Variants in ADGRL3 observed in about 807,000 individuals in gnomAD.
The protein encoded by ADGRL3 is calcium-independent alpha-latrotoxin receptor 3.
In ADGRL3, 62 loss-of-function variants were observed where a neutral mutation model predicts 153.5. The ratio of observed to expected loss-of-function variants is 0.40; its 90% CI spans 0.33 to 0.50. The LOEUF is 0.50. Among genes scored for constraint, ADGRL3 ranks in the 20% least tolerant of loss-of-function variants. The probability of loss-of-function intolerance (pLI) is 0.47; values close to 1 mark genes in which losing one functional copy is unlikely to be tolerated. For synonymous variants in ADGRL3, 710 were observed against 672.5 expected (o/e 1.06, Z -0.86); for missense variants, 1,641 against 1,859.4 (o/e 0.88, Z 2.16).
intron 9 of ADGRL3, among the ~76,000 whole-genome samples, chr4:61,815,596 T>C (rs1254833229): frequency 2.6e-5 from 4 of 152,222 alleles, no homozygotes; most frequent in Non-Finnish European, 5.9e-5. Context: ...TCTATATTGA[T>C]TAACTGCTTG....
intron 8 of ADGRL3, among the ~76,000 whole-genome samples, chr4:61,784,928 T>C (rs1037352498): frequency 2.0e-5 from 3 of 152,180 alleles, no homozygotes; most frequent in Non-Finnish European, 4.4e-5. Context: ...CTCAGTACCC[T>C]TATCAGTAAA....
chr4:61,308,227 T>G (rs1245443599), intron 1 of ADGRL3, among the ~76,000 whole-genome samples: 1 of 152,142 alleles, frequency 6.6e-6, no homozygotes, highest in Non-Finnish European at 1.5e-5. Context: ...GAAATCTAGT[T>G]TCTTAGCAAT....
chr4:61,341,779 C>T (rs2095812547), intron 1 of ADGRL3, among the ~76,000 whole-genome samples: 7 of 152,030 alleles, frequency 4.6e-5, no homozygotes, highest in Admixed American at 4.6e-4. Flanking sequence ...ACATTGCTTT[C>T]AGCTTTTTCA....
intron 1 of ADGRL3, among the ~76,000 whole-genome samples, chr4:61,205,373 G>T (rs1365092634): frequency 6.6e-6 from 1 of 152,176 alleles, no homozygotes; most frequent in South Asian, 2.1e-4. Context: ...AAGAAATGCT[G>T]TGCAGCCTTA....
Position 61,874,998 on chromosome 4 carries a change from C to T in ADGRL3, c.1481-17658C>T, listed in dbSNP as rs181712394. On this transcript the variant is annotated intron_variant, in intron 9 of 26. Coordinates refer to ENST00000683033, the MANE Select transcript of ADGRL3 (RefSeq NM_001387552.1). ...TAATTTTTTGTATTTTTAGTAGAGA[C>T]GGGGTTTCACCTTGTTAGTCAGGAT... is the stretch of plus-strand genomic sequence containing the variant. Among the ~76,000 whole-genome samples the T allele has an allele frequency of 3.6e-3, 544 of 150,900 alleles. 2 individuals carry two copies. The highest frequency in any genetic ancestry group is 0.014 in the Middle Eastern group (4 of 290).
intron 6 of ADGRL3, among the ~76,000 whole-genome samples, chr4:61,691,050 CTT>C (rs1407883588): frequency 6.6e-6 from 1 of 152,142 alleles, no homozygotes; most frequent in South Asian, 2.1e-4. Context: ...TTGTGTTTCT[CTT>C]TTTAAGAATG....
At chr4:61,893,596 A>G (rs1371579592) in intron 10 of ADGRL3, among the ~76,000 whole-genome samples, 2 of 151,848 alleles carry the variant, frequency 1.3e-5, no homozygotes, top group African/African-American at 2.4e-5. Context: ...GGCTCTTAAC[A>G]CTGTCAGGGA....
At chr4:61,868,440 T>C (rs1262126934) in intron 9 of ADGRL3, among the ~76,000 whole-genome samples, 2 of 152,172 alleles carry the variant, frequency 1.3e-5, no homozygotes, top group African/African-American at 4.8e-5. Context: ...TCTACATATC[T>C]AGCCCAACCA....
At position 61,579,693 on chromosome 4, in the gene ADGRL3, G is replaced by A. The variant is rs762470364; in HGVS notation, c.260-7534G>A. On this transcript the variant is annotated intron_variant, in intron 4 of 26. Coordinates refer to ENST00000683033, the MANE Select transcript of ADGRL3 (RefSeq NM_001387552.1). The stretch of plus-strand genomic sequence containing the variant: ...ATTTTTTTCTATAAGTTCAGAAATT[G>A]TATATTAAAACATCTGAATTTCATG... 7.8e-5 allele frequency: 34 copies of A among 437,614 alleles called. 1 individual carries two copies. Among genetic ancestry groups the A allele is most frequent in the African/African-American group, 6.3e-4 (30 of 47,402 alleles). The allele number at this position is 437,614 out of a possible 1,614,324, so 27.1% of individuals were successfully genotyped here.
intron 25 of ADGRL3, among the ~76,000 whole-genome samples, chr4:62,054,327 C>G (rs929776964): frequency 7.3e-5 from 11 of 151,658 alleles, no homozygotes; most frequent in Admixed American, 6.6e-5. Flanking sequence ...GAGTCCCTCA[C>G]TTCTGCAAAC....
intron 6 of ADGRL3, among the ~76,000 whole-genome samples, chr4:61,700,526 C>T (rs2095737129): frequency 6.6e-6 from 1 of 152,054 alleles, no homozygotes; most frequent in Non-Finnish European, 1.5e-5. Context: ...CAGATGAATG[C>T]CGTACTATGG....
At chr4:61,235,203 A>G (rs1275585142) in intron 1 of ADGRL3, among the ~76,000 whole-genome samples, 1 of 152,142 alleles carries the variant, frequency 6.6e-6, no homozygotes, top group East Asian at 1.9e-4. Context: ...CACTGCAAAA[A>G]TGTGCCTTGC....
chr4:61,564,410 GAC>G (rs1396546846), intron 4 of ADGRL3, among the ~76,000 whole-genome samples: 1 of 152,066 alleles, frequency 6.6e-6, no homozygotes, highest in Non-Finnish European at 1.5e-5. Flanking sequence ...TAGTAGCTGG[GAC>G]TACAGGTGCA....
chr4:61,559,887 T>C (rs2098787198), intron 4 of ADGRL3, among the ~76,000 whole-genome samples: 1 of 152,114 alleles, frequency 6.6e-6, no homozygotes, highest in Admixed American at 6.6e-5. Context: ...TAAACTATGA[T>C]GCTCTGTGTG....
At chr4:61,799,959 A>C (rs2097471074) in intron 8 of ADGRL3, among the ~76,000 whole-genome samples, 1 of 152,186 alleles carries the variant, frequency 6.6e-6, no homozygotes, top group Admixed American at 6.5e-5. Flanking sequence ...AGAGATCAAT[A>C]TATCCAGGCC....
chr4:61,816,838 C>T (rs902490747), intron 9 of ADGRL3, among the ~76,000 whole-genome samples: 3 of 152,158 alleles, frequency 2.0e-5, no homozygotes, highest in Non-Finnish European at 4.4e-5. Context: ...TTCCTAGTAG[C>T]AGCTCTGGAC....
intron 1 of ADGRL3, among the ~76,000 whole-genome samples, chr4:61,204,372 G>A (rs7677631): frequency 0.37 from 56,005 of 152,054 alleles, 11,331 homozygotes; most frequent in Middle Eastern, 0.48. Context: ...ACGTATTAAA[G>A]TCTTTATACT....
At chr4:61,846,448 T>A (rs1285932909) in intron 9 of ADGRL3, among the ~76,000 whole-genome samples, 1 of 152,144 alleles carries the variant, frequency 6.6e-6, no homozygotes, top group African/African-American at 2.4e-5. Context: ...AATATTACCA[T>A]CTGCATTTAC....
At chr4:61,934,141 TG>T (rs2098828857) in intron 13 of ADGRL3, among the ~76,000 whole-genome samples, 1 of 152,196 alleles carries the variant, frequency 6.6e-6, no homozygotes, top group Non-Finnish European at 1.5e-5. Flanking sequence ...TATCTATGTG[TG>T]GGTGTACCTA....
Sources: allele counts gnomAD v4.1 joint callset (sites outside exome capture counted in the v4.1 genomes callset), GRCh38; gene constraint gnomAD v4.1.1; transcripts MANE v1.5; gene names NCBI Gene and HGNC (gene_info 2026-07-23, HGNC 2026-07-21).